Variants in KLHL1 observed in about 807,000 individuals in gnomAD.
The protein encoded by KLHL1 is kelch like family member 1.
In KLHL1, 47 loss-of-function variants were observed where a neutral mutation model predicts 77.7. The observed-to-expected ratio is 0.60, with a 90% CI of 0.48 to 0.77. The LOEUF is 0.77. Among genes scored for constraint, KLHL1 ranks in the 30% least tolerant of loss-of-function variants. The pLI is 0.00. For synonymous variants in KLHL1, 360 were observed against 325.2 expected, an observed-to-expected ratio of 1.11 and a Z score of -1.15; for missense variants, 925 against 910.8, an observed-to-expected ratio of 1.02 and a Z score of -0.20.
intron 3 of KLHL1, among the ~76,000 whole-genome samples, chr13:69,945,308 A>C (rs1883490331): frequency 6.6e-6 from 1 of 152,040 alleles, no homozygotes; most frequent in Non-Finnish European, 1.5e-5. Flanking sequence ...TTGTTAATTA[A>C]AAATTTATTT....
intron 7 of KLHL1, among the ~76,000 whole-genome samples, chr13:69,780,735 T>TATATATATATATATATATATAC (rs1876135441): frequency 9.1e-6 from 1 of 110,408 alleles, no homozygotes. Context: ...TATATATACA[T>TATATATATATATATATATATAC]ATATATATAC....
At chr13:69,711,870 G>A (rs1484221079) in intron 9 of KLHL1, among the ~76,000 whole-genome samples, 1 of 152,078 alleles carries the variant, frequency 6.6e-6, no homozygotes, top group African/African-American at 2.4e-5. Context: ...TCTCCAACAT[G>A]CAGTATTATG....
intron 1 of KLHL1, among the ~76,000 whole-genome samples, chr13:70,101,887 T>C (rs1887930559): frequency 6.6e-6 from 1 of 152,060 alleles, no homozygotes; most frequent in East Asian, 1.9e-4. Context: ...TAAGGTATTA[T>C]TTTTGCTAGT....
At chr13:70,025,167 C>A (rs1043722199) in intron 1 of KLHL1, among the ~76,000 whole-genome samples, 1 of 151,980 alleles carries the variant, frequency 6.6e-6, no homozygotes. Context: ...TAGTTAAGGT[C>A]TTTGGACTAA....
At chr13:69,705,505 C>CACTT in intron 10 of KLHL1, among the ~76,000 whole-genome samples, 1 of 151,484 alleles carries the variant, frequency 6.6e-6, no homozygotes, top group East Asian at 1.9e-4. Context: ...CAATTTAGTC[C>CACTT]ACTTACAGGA....
chr13:69,727,157 T>C (rs545375402), intron 8 of KLHL1, among the ~76,000 whole-genome samples: 1 of 152,246 alleles, frequency 6.6e-6, no homozygotes, highest in South Asian at 2.1e-4. Context: ...ATGCTTTGGA[T>C]GGTAGAAAAT....
chr13:69,894,977 G>A, intron 4 of KLHL1: 1 of 494,540 alleles, frequency 2.0e-6, no homozygotes, highest in Non-Finnish European at 4.0e-6. Flanking sequence ...CTGATGTAGT[G>A]TTCTGAGCTC....
intron 3 of KLHL1, among the ~76,000 whole-genome samples, chr13:69,944,391 G>C (rs1387738152): frequency 2.0e-5 from 3 of 152,142 alleles, no homozygotes; most frequent in Non-Finnish European, 4.4e-5. Flanking sequence ...GTTTCATTTG[G>C]CCTTCGCCCC....
chr13:69,799,869 C>T (rs1877297361), intron 6 of KLHL1, among the ~76,000 whole-genome samples: 2 of 152,080 alleles, frequency 1.3e-5, no homozygotes, highest in South Asian at 4.1e-4. Flanking sequence ...TGAGCGGCAC[C>T]CCGAGCTCCA....
chr13:69,963,370 GACT>G (rs1357211114), intron 2 of KLHL1, among the ~76,000 whole-genome samples: 6 of 151,844 alleles, frequency 4.0e-5, no homozygotes, highest in Non-Finnish European at 7.4e-5. Flanking sequence ...TCATTATATT[GACT>G]ACATGTTTTT....
At chr13:70,031,772 T>C (rs1276403643) in intron 1 of KLHL1, among the ~76,000 whole-genome samples, 2 of 152,188 alleles carry the variant, frequency 1.3e-5, no homozygotes, top group African/African-American at 4.8e-5. Context: ...AGTGATAGTA[T>C]GCTAACTGCA....
At chr13:69,944,101 G>A (rs1883445114) in intron 3 of KLHL1, among the ~76,000 whole-genome samples, 2 of 152,166 alleles carry the variant, frequency 1.3e-5, no homozygotes, top group South Asian at 2.1e-4. Context: ...GATTTCAAGA[G>A]GATTCTCATC....
rs1251808901 is a variant in KLHL1, at chr13:69,707,677, G to A, written c.2135C>T (p.Thr712Ile). The change falls in exon 10 of 11, where the codon ACA becomes ATA. Residue 712 changes from threonine (T) to isoleucine (I), a missense_variant. Physicochemically the swap from Thr to Ile is moderately conservative, Grantham distance 89. Transcript: ENST00000377844. ...LYAVGGYDGQ[T>I]YLNTMESYDP... ...ATAGGATTCCATAGTGTTGAGGTAT[G>A]TCTGTCCATCATAGCCACCAACAGC... is the stretch of plus-strand genomic sequence containing the variant. 8 of 1,612,586 alleles carry A rather than the reference G, an allele frequency of 5.0e-6. No individual in the cohort carries two copies. The highest frequency in any genetic ancestry group is 1.3e-5 in the African/African-American group (1 of 74,816).
chr13:69,749,281 A>G (rs979670880), intron 7 of KLHL1, among the ~76,000 whole-genome samples: 3 of 152,026 alleles, frequency 2.0e-5, no homozygotes, highest in Non-Finnish European at 2.9e-5. Context: ...TATGTTCAGT[A>G]TCAATATTAA....
At chr13:69,996,533 C>G (rs940517891) in intron 1 of KLHL1, among the ~76,000 whole-genome samples, 3 of 152,060 alleles carry the variant, frequency 2.0e-5, no homozygotes, top group Non-Finnish European at 4.4e-5. Context: ...GTGAAGCTGT[C>G]AACTTCCCAT....
intron 8 of KLHL1, among the ~76,000 whole-genome samples, chr13:69,725,786 C>A (rs1188757203): frequency 6.6e-6 from 1 of 152,072 alleles, no homozygotes; most frequent in South Asian, 2.1e-4. Context: ...TAACAAATAC[C>A]TCCCACAGAA....
intron 4 of KLHL1, among the ~76,000 whole-genome samples, chr13:69,921,565 T>C (rs1181843571): frequency 1.3e-5 from 2 of 152,190 alleles, no homozygotes; most frequent in South Asian, 4.1e-4. Flanking sequence ...TACCAACGCA[T>C]TGTGAAGACA....
At chr13:69,800,773 T>A (rs1314647665) in intron 6 of KLHL1, among the ~76,000 whole-genome samples, 4 of 152,168 alleles carry the variant, frequency 2.6e-5, no homozygotes, top group Admixed American at 2.0e-4. Context: ...GGGTATTTTC[T>A]GAGTCAGAAG....
chr13:69,837,896 T>C (rs1879092300), intron 6 of KLHL1, among the ~76,000 whole-genome samples: 1 of 151,514 alleles, frequency 6.6e-6, no homozygotes, highest in Non-Finnish European at 1.5e-5. Flanking sequence ...AGTGCCTATA[T>C]TCATCCATGT....
Sources: allele counts gnomAD v4.1 joint callset (sites outside exome capture counted in the v4.1 genomes callset), GRCh38; gene constraint gnomAD v4.1.1; transcripts MANE v1.5; gene names NCBI Gene and HGNC (gene_info 2026-07-23, HGNC 2026-07-21).